THSD7B: variants seen among roughly 807,000 people sequenced by gnomAD.
THSD7B encodes thrombospondin type-1 domain-containing protein 7B.
A neutral mutation model predicts 213.6 loss-of-function variants in THSD7B; 138 were observed. The ratio of observed to expected loss-of-function variants is 0.65; its 90% CI spans 0.56 to 0.74. The LOEUF (loss-of-function observed/expected upper bound fraction) is 0.74. Among genes scored for constraint, THSD7B ranks in the 30% least tolerant of loss-of-function variants. THSD7B has a pLI of 0.00. For synonymous variants in THSD7B, 742 were observed against 687.0 expected (o/e 1.08, Z -1.25); for missense variants, 1,931 against 1,991.5 (o/e 0.97, Z 0.58).
chr2:137,657,898 A>G (rs1216450061), intron 24 of THSD7B, among the ~76,000 whole-genome samples: 1 of 152,198 alleles, frequency 6.6e-6, no homozygotes, highest in Non-Finnish European at 1.5e-5. Flanking sequence ...TGTTTAGTAC[A>G]GACAGGGTTT....
chr2:136,945,263 G>C (rs77414391), intron 2 of THSD7B, among the ~76,000 whole-genome samples: 12,549 of 152,052 alleles, frequency 0.083, 903 homozygotes, highest in African/African-American at 0.19. Context: ...TCCACTTGAT[G>C]GAATTGGCTA....
At position 137,232,945 on chromosome 2, in the gene THSD7B, G is replaced by C; in HGVS notation, c.1962G>C (p.Leu654Phe). The C allele has an allele frequency of 6.2e-7, 1 of 1,613,972 alleles. No individual in the cohort carries two copies. The highest frequency in any genetic ancestry group is 8.5e-7 in the Non-Finnish European group (1 of 1,179,836). Reference sequence around the variant, plus strand: ...GTCAGGCTCTCCAAGAGCATCGTTTGTGTAATGACCATTCCTGTATGCAGC... The same window carrying C: ...GTCAGGCTCTCCAAGAGCATCGTTTCTGTAATGACCATTCCTGTATGCAGC... Reference protein sequence around the residue: ...PPSQALQEHRLCNDHSCMQLH... With the variant: ...PPSQALQEHRFCNDHSCMQLH... The change falls in exon 9 of 28, where the codon TTG (leucine) becomes TTC (phenylalanine). Residue 654 changes from leucine to phenylalanine, a missense_variant. Physicochemically the swap from Leu to Phe is conservative, Grantham distance 22. Transcript: ENST00000409968.
intron 2 of THSD7B, among the ~76,000 whole-genome samples, chr2:137,024,760 T>C (rs562768143): frequency 5.5e-4 from 84 of 152,232 alleles, no homozygotes; most frequent in African/African-American, 2.0e-3. Context: ...GTTTTCTTCA[T>C]CTCATCAAAT....
intron 1 of THSD7B, among the ~76,000 whole-genome samples, chr2:136,875,317 G>T (rs1345121453): frequency 1.3e-5 from 2 of 152,172 alleles, no homozygotes; most frequent in African/African-American, 4.8e-5. Context: ...AGCTGCTCGG[G>T]AGGCTGAGAC....
chr2:137,150,191 G>A (rs1461230580), intron 5 of THSD7B, among the ~76,000 whole-genome samples: 2 of 150,754 alleles, frequency 1.3e-5, no homozygotes, highest in African/African-American at 2.4e-5. Flanking sequence ...GTGGTGAGCT[G>A]AGATGGTGCC....
rs1558749643 is a variant in THSD7B, at chr2:137,303,714, A to ATATT, written c.2500+27689_2500+27690insATTT. Reference sequence around the variant, plus strand: ...TATATTTATATATATTTATATATATATTTATATATATATTTATATATATAT... The same window carrying ATATT: ...TATATTTATATATATTTATATATATATATTTTTATATATATATTTATATATATAT... On this transcript the variant is annotated intron_variant, in intron 12 of 27. Coordinates refer to ENST00000409968, the MANE Select transcript of THSD7B (RefSeq NM_001316349.2). Among the ~76,000 whole-genome samples, 32 of 139,724 alleles carry ATATT rather than the reference A, an allele frequency of 2.3e-4. 2 individuals are homozygous for ATATT. Among genetic ancestry groups the ATATT allele is most frequent in the African/African-American group, 8.8e-4 (32 of 36,566 alleles). The allele number at this position is 139,724 out of a possible 152,430, so 91.7% of individuals were successfully genotyped here.
At chr2:136,814,077 G>T (rs986836223) in intron 1 of THSD7B, among the ~76,000 whole-genome samples, 1 of 152,098 alleles carries the variant, frequency 6.6e-6, no homozygotes, top group African/African-American at 2.4e-5. Context: ...CACCAGTTGG[G>T]AACTTTGACT....
intron 5 of THSD7B, among the ~76,000 whole-genome samples, chr2:137,129,071 A>G (rs1403906141): frequency 6.6e-6 from 1 of 152,146 alleles, no homozygotes; most frequent in Non-Finnish European, 1.5e-5. Flanking sequence ...TGACCCTGAA[A>G]AAAACCTCCT....
chr2:137,509,688 T>C (rs1679919691), intron 15 of THSD7B, among the ~76,000 whole-genome samples: 1 of 152,210 alleles, frequency 6.6e-6, no homozygotes, highest in African/African-American at 2.4e-5. Flanking sequence ...CATCTGTGCA[T>C]TGGTAACTGA....
At chr2:137,012,872 T>C (rs1188885917) in intron 2 of THSD7B, among the ~76,000 whole-genome samples, 1 of 152,220 alleles carries the variant, frequency 6.6e-6, no homozygotes, top group African/African-American at 2.4e-5. Flanking sequence ...GCTAATTTTA[T>C]TTTTTCCAAA....
intron 15 of THSD7B, among the ~76,000 whole-genome samples, chr2:137,526,504 C>G (rs1304142065): frequency 6.6e-6 from 1 of 152,080 alleles, no homozygotes; most frequent in Non-Finnish European, 1.5e-5. Flanking sequence ...TCACTGCAAC[C>G]TCTGCCTCCT....
chr2:137,338,575 T>C (rs772095163), intron 12 of THSD7B, among the ~76,000 whole-genome samples: 2 of 152,134 alleles, frequency 1.3e-5, no homozygotes, highest in Non-Finnish European at 2.9e-5. Flanking sequence ...ACATATTCTT[T>C]AGTTTACAAT....
At chr2:136,795,299 T>C (rs1159822485) in intron 1 of THSD7B, among the ~76,000 whole-genome samples, 1 of 151,918 alleles carries the variant, frequency 6.6e-6, no homozygotes, top group Non-Finnish European at 1.5e-5. Flanking sequence ...CCTTGGCTCA[T>C]GGCTGCTTCC....
chr2:137,499,136 C>A (rs763910596), intron 15 of THSD7B, among the ~76,000 whole-genome samples: 1 of 152,068 alleles, frequency 6.6e-6, no homozygotes, highest in Non-Finnish European at 1.5e-5. Flanking sequence ...GTGTGGTAGT[C>A]GCCTGTAAGT....
At chr2:137,229,592 ACTGT>A (rs1681592917) in intron 7 of THSD7B, among the ~76,000 whole-genome samples, 1 of 152,180 alleles carries the variant, frequency 6.6e-6, no homozygotes, top group South Asian at 2.1e-4. Flanking sequence ...AGTCTTGCTG[ACTGT>A]CAGCTTGTTT....
chr2:137,442,524 C>T (rs1687438379), intron 14 of THSD7B, among the ~76,000 whole-genome samples: 5 of 151,698 alleles, frequency 3.3e-5, no homozygotes, highest in Admixed American at 3.3e-4. Flanking sequence ...AGACTCTGCG[C>T]CAAGTCCTCA....
intron 1 of THSD7B, among the ~76,000 whole-genome samples, chr2:136,854,962 A>G (rs971635892): frequency 1.3e-5 from 2 of 152,160 alleles, no homozygotes; most frequent in Admixed American, 6.5e-5. Context: ...AAAATATAAG[A>G]AGCCCTTTCC....
At chr2:136,784,782 AAGTTAC>A (rs1248575646) in intron 1 of THSD7B, among the ~76,000 whole-genome samples, 1 of 152,186 alleles carries the variant, frequency 6.6e-6, no homozygotes, top group Non-Finnish European at 1.5e-5. Flanking sequence ...TTTTCAAGGC[AAGTTAC>A]AGTGACATCC....
chr2:137,461,442 A>ATCAG (rs1424804213), intron 15 of THSD7B, among the ~76,000 whole-genome samples: 10 of 152,250 alleles, frequency 6.6e-5, no homozygotes, highest in African/African-American at 2.4e-4. Context: ...ATCACAGCAT[A>ATCAG]TCAGTAACTG....
Sources: allele counts gnomAD v4.1 joint callset (sites outside exome capture counted in the v4.1 genomes callset), GRCh38; gene constraint gnomAD v4.1.1; transcripts MANE v1.5; gene names NCBI Gene and HGNC (gene_info 2026-07-23, HGNC 2026-07-21).